NEK6: variants seen among roughly 807,000 people sequenced by gnomAD.
The protein encoded by NEK6 is serine/threonine-protein kinase Nek6.
In NEK6, 27 loss-of-function variants were observed where a neutral mutation model predicts 43.5. That is an observed-to-expected ratio of 0.62 (90% CI 0.46 to 0.86). NEK6 has a LOEUF of 0.86. NEK6 is among the 40% of genes least tolerant of loss of function. NEK6 has a pLI of 0.00. For missense variants in NEK6, 318 were observed against 414.4 expected (o/e 0.77, Z 2.02); for synonymous variants, 167 against 164.1 (o/e 1.02, Z -0.14).
chr9:124,301,693 C>G (rs918281302), intron 1 of NEK6, among the ~76,000 whole-genome samples: 3 of 152,292 alleles, frequency 2.0e-5, no homozygotes, highest in South Asian at 2.1e-4. Context: ...GGACGTTTCC[C>G]TGCCTGGAGC....
intron 2 of NEK6, among the ~76,000 whole-genome samples, chr9:124,308,484 T>G (rs1833368369): frequency 6.6e-6 from 1 of 151,804 alleles, no homozygotes; most frequent in South Asian, 2.1e-4. Context: ...AAACCCCATC[T>G]CTACTAAAAA....
At chr9:124,308,107 C>T (rs1833351478) in intron 2 of NEK6, among the ~76,000 whole-genome samples, 1 of 152,210 alleles carries the variant, frequency 6.6e-6, no homozygotes, top group African/African-American at 2.4e-5. Flanking sequence ...GAAGGGGGTA[C>T]TGTTATGATC....
chr9:124,260,107 G>A (rs1200819695), intron 1 of NEK6, among the ~76,000 whole-genome samples: 1 of 152,150 alleles, frequency 6.6e-6, no homozygotes, highest in Non-Finnish European at 1.5e-5. Flanking sequence ...CGGGGGTCAA[G>A]CCTGTGTCCT....
At chr9:124,301,583 A>G (rs1832977241) in intron 1 of NEK6, among the ~76,000 whole-genome samples, 1 of 152,216 alleles carries the variant, frequency 6.6e-6, no homozygotes, top group Non-Finnish European at 1.5e-5. Context: ...ACTGCTCCCC[A>G]AGAAGCAGGG....
At chr9:124,278,942 C>T (rs988703089) in intron 1 of NEK6, among the ~76,000 whole-genome samples, 5 of 152,206 alleles carry the variant, frequency 3.3e-5, no homozygotes, top group Admixed American at 1.3e-4. Flanking sequence ...TCCTGTGTAC[C>T]GGGGCACTTT....
At chr9:124,311,135 G>T (rs1189406306) in intron 2 of NEK6, among the ~76,000 whole-genome samples, 2 of 152,192 alleles carry the variant, frequency 1.3e-5, no homozygotes, top group African/African-American at 4.8e-5. Context: ...GTGTTTCCAG[G>T]TGGGGAAGCA....
chr9:124,264,651 G>A (rs1178948982), intron 1 of NEK6, among the ~76,000 whole-genome samples: 2 of 151,654 alleles, frequency 1.3e-5, no homozygotes, highest in Non-Finnish European at 2.9e-5. Context: ...CTAAAAATAC[G>A]AAAAATTAGC....
intron 1 of NEK6, among the ~76,000 whole-genome samples, chr9:124,271,406 C>T (rs1588441348): frequency 6.6e-6 from 1 of 152,208 alleles, no homozygotes; most frequent in Admixed American, 6.5e-5. Context: ...CAGGGAGTGA[C>T]GTCTGGTTAC....
At chr9:124,300,441 C>T (rs73584343) in intron 1 of NEK6, among the ~76,000 whole-genome samples, 2,161 of 152,106 alleles carry the variant, frequency 0.014, 53 homozygotes, top group African/African-American at 0.049. Context: ...CCCAGCAGAC[C>T]GGGGGAAGAC....
At chr9:124,312,975 C>T (rs1263970828) in intron 3 of NEK6, among the ~76,000 whole-genome samples, 1 of 152,196 alleles carries the variant, frequency 6.6e-6, no homozygotes, top group Non-Finnish European at 1.5e-5. Flanking sequence ...GCCAGGGCCC[C>T]AGCATGAGTC....
At chr9:124,258,876 C>T (rs1389610782) in intron 1 of NEK6, among the ~76,000 whole-genome samples, 2 of 152,268 alleles carry the variant, frequency 1.3e-5, no homozygotes, top group Non-Finnish European at 2.9e-5. Flanking sequence ...TGGTGGGCCC[C>T]TCGGCCGGGC....
intron 1 of NEK6, chr9:124,258,408 C>T: frequency 1.1e-6 from 1 of 921,892 alleles, no homozygotes; most frequent in Non-Finnish European, 1.3e-6. Flanking sequence ...TACCCACTTC[C>T]CGAGTGGGGA....
At chr9:124,265,329 C>CTG (rs1831189641) in intron 1 of NEK6, among the ~76,000 whole-genome samples, 1 of 152,200 alleles carries the variant, frequency 6.6e-6, no homozygotes, top group South Asian at 2.1e-4. Flanking sequence ...TGAGACCAGC[C>CTG]TGACCAATAT....
At chr9:124,329,138 C>T (rs767756620) in intron 7 of NEK6, among the ~76,000 whole-genome samples, 8 of 152,356 alleles carry the variant, frequency 5.3e-5, no homozygotes, top group Non-Finnish European at 1.0e-4. Context: ...ACTGACTCTC[C>T]GTTGCTGGAA....
At chr9:124,283,772 T>A (rs74728780) in intron 1 of NEK6, among the ~76,000 whole-genome samples, 22,387 of 152,296 alleles carry the variant, frequency 0.15, 1,705 homozygotes, top group Non-Finnish European at 0.17. Context: ...CCTGCCCCTA[T>A]TCCTCCACTC....
chr9:124,299,678 G>A (rs1490943151), intron 1 of NEK6, among the ~76,000 whole-genome samples: 1 of 152,140 alleles, frequency 6.6e-6, no homozygotes, highest in Non-Finnish European at 1.5e-5. Context: ...AGGCAGGGGT[G>A]GGGAGGGAAG....
At chr9:124,258,639 C>T (rs1041397492) in intron 1 of NEK6, among the ~76,000 whole-genome samples, 1 of 152,226 alleles carries the variant, frequency 6.6e-6, no homozygotes, top group Non-Finnish European at 1.5e-5. Flanking sequence ...TTTGCGCCCA[C>T]CAGGCCTTTG....
At chr9:124,347,362 C>G (rs547331079) in intron 8 of NEK6, among the ~76,000 whole-genome samples, 6 of 152,266 alleles carry the variant, frequency 3.9e-5, no homozygotes, top group Non-Finnish European at 8.8e-5. Flanking sequence ...GAAATAAGAC[C>G]ATGCACTCGG....
At chr9:124,264,400 C>T (rs557515005) in intron 1 of NEK6, among the ~76,000 whole-genome samples, 6 of 152,336 alleles carry the variant, frequency 3.9e-5, no homozygotes, top group African/African-American at 1.4e-4. Flanking sequence ...GGGCCAGTAA[C>T]ACCAGGCACC....
Sources: allele counts gnomAD v4.1 joint callset (sites outside exome capture counted in the v4.1 genomes callset), GRCh38; gene constraint gnomAD v4.1.1; transcripts MANE v1.5; gene names NCBI Gene and HGNC (gene_info 2026-07-23, HGNC 2026-07-21).